The following AKAP13 variants were observed in gnomAD, a reference collection of about 807,000 sequenced individuals.
AKAP13 encodes the protein A-kinase anchor protein 13.
Under a neutral mutation model 264.5 loss-of-function variants are expected in AKAP13, and 80 were observed. The ratio of observed to expected loss-of-function variants is 0.30; its 90% CI spans 0.25 to 0.36. AKAP13 has a LOEUF of 0.36. Ranked by LOEUF, AKAP13 falls within the 10% of genes least tolerant of loss-of-function variation. AKAP13 has a pLI of 1.00. For synonymous variants in AKAP13, 1,380 were observed against 1,250.2 expected, an observed-to-expected ratio of 1.10 and a Z score of -2.19; for missense variants, 3,712 against 3,435.2, an observed-to-expected ratio of 1.08 and a Z score of -2.01.
At chr15:85,738,333 A>G (rs1009210781) in intron 33 of AKAP13, among the ~76,000 whole-genome samples, 36 of 151,876 alleles carry the variant, frequency 2.4e-4, no homozygotes, top group Non-Finnish European at 5.0e-4. Flanking sequence ...TGGAGGTTGC[A>G]GTGGGCCAAG....
At chr15:85,509,228 T>G (rs941333117) in intron 2 of AKAP13, among the ~76,000 whole-genome samples, 1 of 152,248 alleles carries the variant, frequency 6.6e-6, no homozygotes, top group African/African-American at 2.4e-5. Context: ...TGACTGATTC[T>G]GATTCTGTTT....
intron 1 of AKAP13, among the ~76,000 whole-genome samples, chr15:85,422,743 C>T (rs1026142256): frequency 6.6e-6 from 1 of 152,204 alleles, no homozygotes; most frequent in Non-Finnish European, 1.5e-5. Flanking sequence ...TGGCAGCAAA[C>T]CCATCTCAGC....
intron 2 of AKAP13, among the ~76,000 whole-genome samples, chr15:85,513,018 G>A (rs1476934208): frequency 6.6e-6 from 1 of 151,902 alleles, no homozygotes; most frequent in South Asian, 2.1e-4. Flanking sequence ...CACCATGCCC[G>A]GCTAATTTTT....
Position 85,527,383 on chromosome 15 carries a change from CT to C in AKAP13, c.181+5812del, listed in dbSNP as rs34610187. On this transcript the variant is annotated intron_variant, in intron 3 of 36. Coordinates refer to ENST00000394518, the MANE Select transcript of AKAP13 (RefSeq NM_007200.5). ...ATCCTCCCAAGGGGGTGAAAATTGC[CT>C]TTTGGGACCAAAAAAAACTTACAGT... is the stretch of plus-strand genomic sequence containing the variant. Among the ~76,000 whole-genome samples, 29 of 151,902 alleles carry C rather than the reference CT, an allele frequency of 1.9e-4. No homozygotes were observed. In the East Asian group the frequency reaches 5.0e-3, roughly 26 times the overall value.
At chr15:85,684,579 G>A (rs111929117) in intron 15 of AKAP13, 162 bp from the exon 16 acceptor site, 40 of 656,496 alleles carry the variant, frequency 6.1e-5, no homozygotes, top group African/African-American at 2.4e-4. Flanking sequence ...CATTAGTGAC[G>A]GATCTAAGGA....
At chr15:85,666,959 C>G (rs2083636868) in intron 13 of AKAP13, among the ~76,000 whole-genome samples, 1 of 152,092 alleles carries the variant, frequency 6.6e-6, no homozygotes, top group South Asian at 2.1e-4. Context: ...TTTTCTCTTC[C>G]TCTTGGGTCA....
rs2079147660 is a variant in AKAP13, at chr15:85,581,905, A to G, written c.3837A>G (p.Ser1279=). 6.2e-7 allele frequency: 1 copy of G among 1,614,124 alleles called. No individual in the cohort carries two copies. The highest frequency in any genetic ancestry group is 2.2e-5 in the East Asian group (1 of 44,882). ...CTGAGGGGGAGGCCTGTCACATGTCACTGTCCAGCCCTGAGTTGGGTCCTC... is the reference window on the plus strand; with the variant it reads ...CTGAGGGGGAGGCCTGTCACATGTCGCTGTCCAGCCCTGAGTTGGGTCCTC... ...LLTEGEACHM[S]LSSPELGPLT... Residue 1279 remains serine, a synonymous_variant, in exon 7 of 37, where the codon TCA becomes TCG. Coordinates refer to ENST00000394518, the MANE Select transcript of AKAP13 (RefSeq NM_007200.5).
chr15:85,500,673 C>T (rs987728610), intron 2 of AKAP13, among the ~76,000 whole-genome samples: 1 of 146,560 alleles, frequency 6.8e-6, no homozygotes, highest in African/African-American at 2.4e-5. Flanking sequence ...GACACATTTC[C>T]CCCCCAGAGA....
At chr15:85,396,246 C>T (rs1596033209) in intron 1 of AKAP13, among the ~76,000 whole-genome samples, 2 of 152,264 alleles carry the variant, frequency 1.3e-5, no homozygotes, top group South Asian at 4.1e-4. Context: ...GTGGTAAAAT[C>T]TATACAGCTC....
chr15:85,386,754 AC>A (rs539903994), intron 1 of AKAP13, among the ~76,000 whole-genome samples: 1 of 146,248 alleles, frequency 6.8e-6, no homozygotes, highest in Non-Finnish European at 1.5e-5. Context: ...TCTGTTGATT[AC>A]CTTTGTGCCT....
At chr15:85,701,706 G>T (rs1345085905) in intron 17 of AKAP13, among the ~76,000 whole-genome samples, 2 of 151,632 alleles carry the variant, frequency 1.3e-5, no homozygotes, top group Non-Finnish European at 2.9e-5. Context: ...GGCTCCCAAA[G>T]TGTTGGGATT....
At chr15:85,463,724 C>T (rs948871130) in intron 1 of AKAP13, among the ~76,000 whole-genome samples, 8 of 152,104 alleles carry the variant, frequency 5.3e-5, no homozygotes, top group South Asian at 4.2e-4. Flanking sequence ...AGACTGGCTA[C>T]ATCAAAGGCA....
At chr15:85,520,347 A>G (rs1211733124) in intron 2 of AKAP13, among the ~76,000 whole-genome samples, 1 of 151,728 alleles carries the variant, frequency 6.6e-6, no homozygotes, top group Non-Finnish European at 1.5e-5. Context: ...ATACAAAAAA[A>G]TTTAGCTGGG....
At chr15:85,658,728 G>A (rs2083210005) in intron 12 of AKAP13, 138 bp downstream of exon 12, 1 of 548,278 alleles carries the variant, frequency 1.8e-6, no homozygotes, top group South Asian at 6.2e-5. Context: ...ATAAAATATA[G>A]GTACTTATTA....
chr15:85,585,536 C>T (rs1428810768), intron 7 of AKAP13, among the ~76,000 whole-genome samples, 166 bp from the exon 8 acceptor site: 9 of 152,120 alleles, frequency 5.9e-5, no homozygotes, highest in Non-Finnish European at 2.9e-5. Flanking sequence ...AGGAATAGCT[C>T]AGCATAGGGT....
intron 8 of AKAP13, among the ~76,000 whole-genome samples, chr15:85,596,974 A>G (rs117422815): frequency 1.8e-4 from 27 of 152,294 alleles, no homozygotes; most frequent in Non-Finnish European, 2.8e-4. Flanking sequence ...AAAATTATGA[A>G]TTATTTTATT....
At chr15:85,436,784 A>C (rs1178319661) in intron 1 of AKAP13, among the ~76,000 whole-genome samples, 1 of 152,164 alleles carries the variant, frequency 6.6e-6, no homozygotes, top group Non-Finnish European at 1.5e-5. Flanking sequence ...ACGAAGACAC[A>C]ACATACCAGA....
chr15:85,390,486 A>T (rs1319974618), intron 1 of AKAP13, among the ~76,000 whole-genome samples: 1 of 152,118 alleles, frequency 6.6e-6, no homozygotes, highest in East Asian at 1.9e-4. Context: ...GCGTGAGGAG[A>T]TAAGGTTTGT....
rs192722909 is a variant in AKAP13 at position 85,619,796 on chromosome 15, A to G, written c.4162-19578A>G. 7.1e-6 allele frequency: 8 copies of G among 1,129,136 alleles called. No individual in the cohort carries two copies. In the African/African-American group the frequency reaches 1.1e-4, roughly 16 times the overall value. The allele number at this position is 1,129,136 out of a possible 1,614,324, so 69.9% of individuals were successfully genotyped here. A position where few individuals can be genotyped will look rare whatever the true frequency, so the allele number is the denominator to read the frequency against. ...CTTCTCTTTCAGTCAAGATCTGCAC[A>G]AAGTATAGCATTAGGTGGTATTTAT... On this transcript the variant is annotated intron_variant, in intron 8 of 36. Transcript: ENST00000394518.
Sources: allele counts gnomAD v4.1 joint callset (sites outside exome capture counted in the v4.1 genomes callset), GRCh38; gene constraint gnomAD v4.1.1; transcripts MANE v1.5; gene names NCBI Gene and HGNC (gene_info 2026-07-23, HGNC 2026-07-21).